Variants in CCDC93 observed in about 807,000 individuals in gnomAD.
CCDC93 encodes coiled-coil domain-containing protein 93.
In CCDC93, 61 loss-of-function variants were observed where a neutral mutation model predicts 108.2. That is an observed-to-expected ratio of 0.56 (90% confidence interval 0.46 to 0.70). The LOEUF is 0.70. Ranked by LOEUF, CCDC93 falls within the 30% of genes least tolerant of loss-of-function variation. The pLI, the probability that CCDC93 is intolerant of heterozygous loss-of-function variation, is 0.00. For missense variants in CCDC93, 685 were observed against 764.2 expected, an observed-to-expected ratio of 0.90 and a Z score of 1.22; for synonymous variants, 276 against 260.4, an observed-to-expected ratio of 1.06 and a Z score of -0.58.
rs1403095962 is a variant in CCDC93, at chr2:117,944,704, A to G, written c.1351-618T>C. 3 of 470,912 alleles carry G rather than the reference A, an allele frequency of 6.4e-6. No homozygotes were observed. In the East Asian group the frequency reaches 2.1e-4, roughly 33 times the overall value. 29.2% of individuals were successfully genotyped at this position (470,912 alleles called of 1,614,324 possible). A position where few individuals can be genotyped will look rare whatever the true frequency, so the allele number is the denominator to read the frequency against. ...AGTGCCTCCTTCCTCAGCATAGGGA[A>G]TATAAACACACCCCCCTACCCAACG... On this transcript the variant is annotated intron_variant, in intron 17 of 23. Coordinates refer to ENST00000376300, the MANE Select transcript of CCDC93 (RefSeq NM_019044.5).
At chr2:117,959,866 G>A (rs1006670660) in intron 11 of CCDC93, among the ~76,000 whole-genome samples, 1 of 152,046 alleles carries the variant, frequency 6.6e-6, no homozygotes, top group African/African-American at 2.4e-5. Flanking sequence ...AATTTTGGAC[G>A]CACCAAGATA....
chr2:118,004,463 G>A (rs542984826), intron 3 of CCDC93, among the ~76,000 whole-genome samples: 54 of 152,302 alleles, frequency 3.5e-4, no homozygotes, highest in African/African-American at 1.1e-3. Context: ...CAACCATGCC[G>A]TCAATAGGCA....
chr2:118,010,774 T>C (rs1376221988), intron 1 of CCDC93, among the ~76,000 whole-genome samples: 3 of 152,172 alleles, frequency 2.0e-5, no homozygotes, highest in Non-Finnish European at 4.4e-5. Context: ...AGGTTCATCC[T>C]TTAACTACCC....
Position 117,979,746 on chromosome 2 carries a change from T to C in CCDC93, c.621-1716A>G, listed in dbSNP as rs370716015. ...GCAGACCAAGGTTAAATTTTGGCTA[T>C]CCACACGAATTCTGTAAAGGACCTT... On this transcript the variant is annotated intron_variant, in intron 7 of 23. Transcript: ENST00000376300. Among the ~76,000 whole-genome samples, 152 of 152,322 alleles carry C rather than the reference T, an allele frequency of 1.0e-3. 3 individuals are homozygous for C. The South Asian group carries it at 0.028, about 28-fold the overall frequency.
intron 12 of CCDC93, among the ~76,000 whole-genome samples, chr2:117,952,914 A>G (rs1172698951): frequency 6.6e-6 from 1 of 152,242 alleles, no homozygotes; most frequent in Non-Finnish European, 1.5e-5. Context: ...ATGATGACAC[A>G]TAGAAGATAG....
chr2:117,969,252 G>C (rs1679685153), intron 11 of CCDC93, among the ~76,000 whole-genome samples: 1 of 152,216 alleles, frequency 6.6e-6, no homozygotes, highest in Admixed American at 6.5e-5. Flanking sequence ...CATGTGACAA[G>C]GAACTGCAGG....
chr2:118,001,114 T>C, intron 3 of CCDC93, 182 bp from the exon 4 acceptor site: 1 of 527,066 alleles, frequency 1.9e-6, no homozygotes, highest in Non-Finnish European at 3.4e-6. Flanking sequence ...TGGTGGTGTG[T>C]AGGTGTGTGG....
At chr2:117,928,502 T>G (rs1305770134) in intron 23 of CCDC93, among the ~76,000 whole-genome samples, 1 of 152,110 alleles carries the variant, frequency 6.6e-6, no homozygotes, top group Non-Finnish European at 1.5e-5. Flanking sequence ...AAAAGACACA[T>G]GAAAAAGTGC....
chr2:117,995,960 T>C (rs1404831585), intron 5 of CCDC93, among the ~76,000 whole-genome samples: 3 of 151,748 alleles, frequency 2.0e-5, no homozygotes, highest in African/African-American at 4.8e-5. Flanking sequence ...AATTATATTA[T>C]TATTATTATT....
intron 23 of CCDC93, among the ~76,000 whole-genome samples, chr2:117,926,484 T>C (rs1286539518): frequency 1.3e-5 from 2 of 152,106 alleles, no homozygotes; most frequent in African/African-American, 2.4e-5. Flanking sequence ...GAGAATACTA[T>C]AAACACCTCT....
chr2:117,921,590 T>C (rs9308761), intron 23 of CCDC93: 31,243 of 151,932 alleles, frequency 0.21, 3,384 homozygotes, highest in Middle Eastern at 0.31. Flanking sequence ...TGGAGGTGCA[T>C]TTATTGTGGG....
rs1044210698 is a variant in CCDC93 at position 117,990,820 on chromosome 2, A to AT, written c.519+4625dup. 7.4e-4 allele frequency among the ~76,000 whole-genome samples: 110 copies of AT among 148,908 alleles called. No homozygotes were observed. In the South Asian group the frequency reaches 8.9e-3, roughly 12 times the overall value. On this transcript the variant is annotated intron_variant, in intron 6 of 23. Transcript: ENST00000376300. The stretch of plus-strand genomic sequence containing the variant: ...AAAACAGAATATATAGTACAATGCC[A>AT]TTTTTTTTTTGCAATCTCTGATTCT...
intron 12 of CCDC93, among the ~76,000 whole-genome samples, chr2:117,955,832 C>T (rs1437036744): frequency 2.0e-5 from 3 of 152,156 alleles, no homozygotes; most frequent in Non-Finnish European, 4.4e-5. Flanking sequence ...TGTAACCATA[C>T]AAGTCACTCT....
At chr2:118,008,345 G>C (rs1676933480) in intron 2 of CCDC93, among the ~76,000 whole-genome samples, 200 bp downstream of exon 2, 1 of 152,148 alleles carries the variant, frequency 6.6e-6, no homozygotes. Context: ...GCACAGAAAA[G>C]GAACTGACGT....
intron 23 of CCDC93, among the ~76,000 whole-genome samples, chr2:117,925,875 A>T (rs1573458313): frequency 6.6e-6 from 1 of 152,158 alleles, no homozygotes; most frequent in East Asian, 1.9e-4. Context: ...GAAGTAAAGC[A>T]CTCCTCAGCA....
Position 117,915,995 on chromosome 2 carries a change from C to T in CCDC93, c.*4348G>A, listed in dbSNP as rs540473964. The T allele has an allele frequency of 2.0e-5, 3 of 152,356 alleles. No individual in the cohort carries two copies. Among genetic ancestry groups the T allele is most frequent in the Admixed American group, 6.5e-5 (1 of 15,300 alleles). 9.4% of individuals were successfully genotyped at this position (152,356 alleles called of 1,614,324 possible). A position where few individuals can be genotyped will look rare whatever the true frequency, so the allele number is the denominator to read the frequency against. ...ATTGGTGGCACTCTCCAACTTTTTG[C>T]TATTACAATGTTTCAACAAAAACTC... On this transcript the variant is annotated 3_prime_UTR_variant, in exon 24 of 24. Transcript: ENST00000376300.
At chr2:118,003,053 A>G (rs62161851) in intron 3 of CCDC93, among the ~76,000 whole-genome samples, 2,161 of 152,246 alleles carry the variant, frequency 0.014, 22 homozygotes, top group Non-Finnish European at 0.023. Context: ...AAAACAAAAC[A>G]AAAGTCCTGA....
chr2:117,924,791 A>C (rs889233773), intron 23 of CCDC93, among the ~76,000 whole-genome samples: 5 of 152,136 alleles, frequency 3.3e-5, no homozygotes, highest in African/African-American at 1.2e-4. Flanking sequence ...CCACAAAGAT[A>C]CTCCTCTAGA....
chr2:117,974,831 C>T lies in CCDC93; in HGVS notation c.801+19G>A. ...TGGTGCCAAGTCCCCATCCCCACAC[C>T]TCCCCGACTCCCACTCACCTCCTCA... On this transcript the variant is annotated intron_variant, in intron 10 of 23. Coordinates refer to ENST00000376300, the MANE Select transcript of CCDC93 (RefSeq NM_019044.5). 1.3e-6 allele frequency: 2 copies of T among 1,562,632 alleles called. No individual in the cohort carries two copies. The highest frequency in any genetic ancestry group is 1.9e-5 in the Admixed American group (1 of 53,708).
Sources: gnomAD v4.1 joint callset for allele counts (sites outside exome capture counted in the v4.1 genomes callset) on GRCh38, gnomAD v4.1.1 for gene constraint, MANE v1.5 for transcripts, NCBI Gene and HGNC (gene_info 2026-07-23, HGNC 2026-07-21) for gene names.